Variants in PRRC2A observed in about 807,000 individuals in gnomAD.
PRRC2A encodes proline rich coiled-coil 2A.
Under a neutral mutation model 224.6 loss-of-function variants are expected in PRRC2A, and 59 were observed. The ratio of observed to expected loss-of-function variants is 0.26; its 90% CI spans 0.21 to 0.33. The LOEUF (loss-of-function observed/expected upper bound fraction) is 0.33. Ranked by LOEUF, PRRC2A falls within the 10% of genes least tolerant of loss-of-function variation. PRRC2A has a pLI of 1.00. For missense variants in PRRC2A, 3,095 were observed against 2,880.7 expected (o/e 1.07, Z -1.70); for synonymous variants, 1,194 against 1,109.5 (o/e 1.08, Z -1.51).
At position 31,625,886 on chromosome 6, in the gene PRRC2A, T is replaced by C; in HGVS notation, c.839+15T>C. The C allele has an allele frequency of 6.3e-7, 1 of 1,582,064 alleles. No homozygotes were observed. The highest frequency in any genetic ancestry group is 8.7e-7 in the Non-Finnish European group (1 of 1,152,798). ...GATGGGCCCAGGTGAGCAATCCAGG[T>C]CTGGGTTTGTGGCTGGGGGCAGGGG... On this transcript the variant is annotated intron_variant, in intron 8 of 30. Coordinates refer to ENST00000376033, the MANE Select transcript of PRRC2A (RefSeq NM_004638.4). The surrounding 1 kb of genome is among the most constrained non-coding windows in gnomAD (Gnocchi z 4.1).
In PRRC2A at chr6:31,636,644, T is replaced by G; in HGVS notation, c.5934+36T>G. 1 of 1,588,494 alleles carries G rather than the reference T, an allele frequency of 6.3e-7. No individual in the cohort carries two copies. The highest frequency in any genetic ancestry group is 1.1e-5 in the South Asian group (1 of 88,728). ...TCTTCACACTTCCCCTTCATTTGAT[T>G]TCTCTGTCCAGTTGCTGGCTTTGAT... On this transcript the variant is annotated intron_variant, in intron 27 of 30. Transcript: ENST00000376033. The surrounding 1 kb of genome is among the most constrained non-coding windows in gnomAD (Gnocchi z 4.3).
rs1254276789 is a variant in PRRC2A at position 31,636,063 on chromosome 6, C to G, written c.5624+14C>G. On this transcript the variant is annotated intron_variant, in intron 25 of 30. Transcript: ENST00000376033. The surrounding 1 kb of genome is among the most constrained non-coding windows in gnomAD (Gnocchi z 4.3). ...GCACCCTTACAGGTAAGACTCGATG[C>G]CTGTGGATCACAGAAGTACTTGGAG... 6.2e-7 allele frequency: 1 copy of G among 1,601,270 alleles called. No homozygotes were observed. The highest frequency in any genetic ancestry group is 8.6e-7 in the Non-Finnish European group (1 of 1,168,710).
chr6:31,637,395 A>G lies in PRRC2A; in HGVS notation c.6334-51A>G, dbSNP rs754543353. Reference sequence around the variant, plus strand: ...ACCTGATTTCCTGTCCTTCCGTCTCATCGCTGACCTCTCACTGTGACTCAC... The same window carrying G: ...ACCTGATTTCCTGTCCTTCCGTCTCGTCGCTGACCTCTCACTGTGACTCAC... On this transcript the variant is annotated intron_variant, in intron 30 of 30. Transcript: ENST00000376033. 6 of 1,603,320 alleles carry G rather than the reference A, an allele frequency of 3.7e-6. No individual in the cohort carries two copies. The African/African-American group carries it at 4.0e-5, about 11-fold the overall frequency.
chr6:31,626,290 C>T, intron 9 of PRRC2A, 128 bp downstream of exon 9: 3 of 1,144,054 alleles, frequency 2.6e-6, no homozygotes, highest in African/African-American at 3.1e-5. Flanking sequence ...CAATGGCTCA[C>T]ATCTGTAATC....
rs778225240 is a variant in PRRC2A, at chr6:31,624,540, T to G, written c.463+18T>G. ...TGGAGATGGTGAGTGCAGCACTTAA[T>G]TGGGGAGCTGTGTCTGGGCACCATG... On this transcript the variant is annotated intron_variant, in intron 5 of 30. Transcript: ENST00000376033. The G allele has an allele frequency of 6.2e-7, 1 of 1,600,152 alleles. No individual in the cohort carries two copies. Among genetic ancestry groups the G allele is most frequent in the Admixed American group, 1.7e-5 (1 of 59,996 alleles).
At chr6:31,633,074 G>T (rs3130627) in intron 16 of PRRC2A, 82 bp downstream of exon 16, 255,558 of 1,428,966 alleles carry the variant, frequency 0.18, 24,388 homozygotes, top group African/African-American at 0.2. Flanking sequence ...AGTTTGGGTG[G>T]AGTGGAGATT....
In PRRC2A at chr6:31,633,443, G is replaced by C. The variant is rs1407214465; in HGVS notation, c.4384G>C (p.Val1462Leu). ...LPPPPPSSSAVFRLDQVIHSN... is the reference protein window; with the variant it reads ...LPPPPPSSSALFRLDQVIHSN... ...TCCCCCACCTCCCAGCAGTTCTGCT[G>C]TCTTCCGCCTGGACCAAGTTATCCA... The change falls in exon 17 of 31, where the codon GTC becomes CTC. Residue 1462 changes from valine to leucine, a missense_variant. By Grantham distance (32) the Val-to-Leu change is conservative. This residue lies in a region of PRRC2A where 2,001 missense variants were observed against 1,764.9 expected (regional missense o/e 1.13). Transcript: ENST00000376033. 6 of 1,612,954 alleles carry C rather than the reference G, an allele frequency of 3.7e-6. No homozygotes were observed. Among genetic ancestry groups the C allele is most frequent in the East Asian group, 2.2e-5 (1 of 44,894 alleles).
chr6:31,637,517 G>A lies in PRRC2A; in HGVS notation c.6405G>A (p.Gly2135=). ...WERTGPPPRE[G]PSRRAEEPGS... is the part of the protein sequence containing the mutation. ...GGACAGGGCCGCCACCTCGAGAAGG[G>A]CCCTCCCGACGGGCAGAGGAGCCTG... The change falls in exon 31 of 31, where the codon GGG becomes GGA. Residue 2135 remains glycine (G), a synonymous_variant. Coordinates refer to ENST00000376033, the MANE Select transcript of PRRC2A (RefSeq NM_004638.4). 6.3e-7 allele frequency: 1 copy of A among 1,582,548 alleles called. No individual in the cohort carries two copies. The highest frequency in any genetic ancestry group is 2.2e-5 in the East Asian group (1 of 44,482).
In PRRC2A at chr6:31,632,584, C is replaced by T. The variant is rs1215352588; in HGVS notation, c.3911C>T (p.Ala1304Val). Reference sequence around the variant, plus strand: ...GCCCCAGCACCTCGCCGGGCAGCTGCCAAGTCTCCTGATCTGTCAAACCAG... The same window carrying T: ...GCCCCAGCACCTCGCCGGGCAGCTGTCAAGTCTCCTGATCTGTCAAACCAG... ...TVAPAPRRAA[A>V]KSPDLSNQNS... Residue 1304 changes from alanine (A) to valine (V), a missense_variant, in exon 16 of 31, where the codon GCC becomes GTC. Around this residue, in one of 8 missense-constraint regions of PRRC2A, gnomAD observed 2,001 missense variants for 1,764.9 expected, o/e 1.13. Transcript: ENST00000376033. The T allele has an allele frequency of 6.2e-7, 1 of 1,612,830 alleles. No individual in the cohort carries two copies. The highest frequency in any genetic ancestry group is 8.5e-7 in the Non-Finnish European group (1 of 1,179,942).
At chr6:31,635,520 T>C in intron 23 of PRRC2A, 55 bp downstream of exon 23, 1 of 1,611,812 alleles carries the variant, frequency 6.2e-7, no homozygotes, top group Non-Finnish European at 8.5e-7. Flanking sequence ...GGAAGATTGC[T>C]GGGAGTGACC....
In PRRC2A at chr6:31,630,809, T is replaced by C; in HGVS notation, c.2465+8T>C. ...GGATGACAAGGGGATGAGGTGAGTC[T>C]TGGTCATGAGAAATGGGTGAGTTCA... On this transcript the variant is annotated splice_region_variant and intron_variant, in intron 15 of 30. Coordinates refer to ENST00000376033, the MANE Select transcript of PRRC2A (RefSeq NM_004638.4). 1 of 1,613,484 alleles carries C rather than the reference T, an allele frequency of 6.2e-7. No homozygotes were observed. The highest frequency in any genetic ancestry group is 8.5e-7 in the Non-Finnish European group (1 of 1,179,732).
chr6:31,632,226 T>C lies in PRRC2A; in HGVS notation c.3553T>C (p.Trp1185Arg). Residue 1185 changes from tryptophan to arginine, a missense_variant, in exon 16 of 31, where the codon TGG (tryptophan) becomes CGG (arginine). Physicochemically the swap from Trp to Arg is moderately radical, Grantham distance 101 (BLOSUM62 -3). This residue lies in a region of PRRC2A where 2,001 missense variants were observed against 1,764.9 expected (regional missense o/e 1.13). Transcript: ENST00000376033. ...GCCCCCTCCTCAAGTTTGCCCAGGC[T>C]GGAGCCCTCCAGCCAAGTCTCTGGC... ...GRPPPQVCPG[W>R]SPPAKSLAPK... 1 of 1,612,590 alleles carries C rather than the reference T, an allele frequency of 6.2e-7. No individual in the cohort carries two copies. Among genetic ancestry groups the C allele is most frequent in the African/African-American group, 1.3e-5 (1 of 74,996 alleles).
chr6:31,630,098 A>G (rs3130624), intron 14 of PRRC2A, among the ~76,000 whole-genome samples: 26,191 of 152,098 alleles, frequency 0.17, 2,484 homozygotes, highest in African/African-American at 0.21. Flanking sequence ...GGGCAGATCA[A>G]CTGAGTTCAG....
At position 31,625,238 on chromosome 6, in the gene PRRC2A, C is replaced by G; in HGVS notation, c.531C>G (p.Gly177=). 1 of 1,613,108 alleles carries G rather than the reference C, an allele frequency of 6.2e-7. No individual in the cohort carries two copies. Among genetic ancestry groups the G allele is most frequent in the African/African-American group, 1.3e-5 (1 of 75,060 alleles). The change falls in exon 6 of 31, where the codon GGC becomes GGG. Residue 177 remains glycine, a synonymous_variant. Coordinates refer to ENST00000376033, the MANE Select transcript of PRRC2A (RefSeq NM_004638.4). The surrounding 1 kb of genome is among the most constrained non-coding windows in gnomAD (Gnocchi z 4.1). ...REEFPTLQAA[G]DQDKAAKERE... The stretch of plus-strand genomic sequence containing the variant: ...AATTTCCGACCCTGCAGGCGGCTGG[C>G]GACCAGGACAAGGCTGCCAAGGAAA...
chr6:31,634,611 A>G (rs147002415), intron 20 of PRRC2A, 54 bp downstream of exon 20: 147 of 1,598,226 alleles, frequency 9.2e-5, no homozygotes, highest in Admixed American at 1.9e-4. Context: ...AGCACTGGTC[A>G]TACCCCCCAC....
rs939403672 is a variant in PRRC2A, at chr6:31,637,761, A to G, written c.*175A>G. ...TTAAAAAAGAGTAATAAAAGGATTT[A>G]AAAAAAAAAACTTCTACAATGATTT... On this transcript the variant is annotated 3_prime_UTR_variant, in exon 31 of 31. Transcript: ENST00000376033. The G allele has an allele frequency of 2.0e-5, 7 of 350,420 alleles. No individual in the cohort carries two copies. The highest frequency in any genetic ancestry group is 3.6e-5 in the Non-Finnish European group (7 of 196,702). 21.7% of individuals were successfully genotyped at this position (350,420 alleles called of 1,614,324 possible). A position where few individuals can be genotyped will look rare whatever the true frequency, so the allele number is the denominator to read the frequency against.
Position 31,636,552 on chromosome 6 carries a change from C to A in PRRC2A, c.5878C>A (p.Pro1960Thr). 3 of 1,608,950 alleles carry A rather than the reference C, an allele frequency of 1.9e-6. No homozygotes were observed. Among genetic ancestry groups the A allele is most frequent in the South Asian group, 1.1e-5 (1 of 90,578 alleles). The change falls in exon 27 of 31, where the codon CCT becomes ACT. Residue 1960 changes from proline (P) to threonine (T), a missense_variant. Pro to Thr is a conservative substitution (Grantham distance 38). Around this residue, in one of 8 missense-constraint regions of PRRC2A, gnomAD observed 662 missense variants for 609.5 expected, o/e 1.09. Coordinates refer to ENST00000376033, the MANE Select transcript of PRRC2A (RefSeq NM_004638.4). The surrounding 1 kb of genome is among the most constrained non-coding windows in gnomAD (Gnocchi z 4.3). The part of the protein sequence containing the change: ...LPSPSDFYST[P>T]LQPGGQSGFL... ...ATCCCCTTCGGATTTTTATTCTACTCCTCTGCAGCCTGGTGGCCAAAGTGG... is the reference window on the plus strand; with the variant it reads ...ATCCCCTTCGGATTTTTATTCTACTACTCTGCAGCCTGGTGGCCAAAGTGG...
intron 15 of PRRC2A, 109 bp downstream of exon 15, chr6:31,630,910 G>A (rs1452072802): frequency 2.8e-6 from 4 of 1,404,094 alleles, no homozygotes; most frequent in Non-Finnish European, 3.9e-6. Context: ...GAAAGGAGAG[G>A]CTGGATGGAG....
In PRRC2A at chr6:31,627,765, G is replaced by T. The variant is rs757499688; in HGVS notation, c.1291G>T (p.Asp431Tyr). 1 of 1,611,812 alleles carries T rather than the reference G, an allele frequency of 6.2e-7. No homozygotes were observed. The highest frequency in any genetic ancestry group is 8.5e-7 in the Non-Finnish European group (1 of 1,179,260). Reference sequence around the variant, plus strand: ...CCTGCTGGGTCTTGCCAATTGACAGGATCGTGGGGGTCCTCCCTGCAAGCC... The same window carrying T: ...CCTGCTGGGTCTTGCCAATTGACAGTATCGTGGGGGTCCTCCCTGCAAGCC... ...GNWGPPGDYPDRGGPPCKPPA... is the reference protein window; with the variant it reads ...GNWGPPGDYPYRGGPPCKPPA... The change falls in exon 12 of 31, where the codon GAT (aspartate) becomes TAT (tyrosine). Residue 431 changes from aspartate (D) to tyrosine (Y), a missense_variant and splice_region_variant. By Grantham distance (160) the Asp-to-Tyr change is radical. Around this residue, in one of 8 missense-constraint regions of PRRC2A, gnomAD observed 2,001 missense variants for 1,764.9 expected, o/e 1.13. Coordinates refer to ENST00000376033, the MANE Select transcript of PRRC2A (RefSeq NM_004638.4). The surrounding 1 kb of genome is among the most constrained non-coding windows in gnomAD (Gnocchi z 5.6).
Sources: gnomAD v4.1 joint callset for allele counts (sites outside exome capture counted in the v4.1 genomes callset) on GRCh38, gnomAD v4.1.1 for gene constraint, gnomAD v4.1.1 regional missense constraint, Gnocchi (gnomAD v3.1) non-coding constraint, MANE v1.5 for transcripts, NCBI Gene and HGNC (gene_info 2026-07-23, HGNC 2026-07-21) for gene names.